NCAM1: variants seen among roughly 807,000 people sequenced by gnomAD.
NCAM1 encodes antigen recognized by monoclonal antibody 5.1H11.
In NCAM1, 14 loss-of-function variants were observed where a neutral mutation model predicts 109.8. The observed-to-expected ratio is 0.13, with a 90% CI of 0.08 to 0.20. The LOEUF (loss-of-function observed/expected upper bound fraction) is 0.20, where lower values mean the gene tolerates loss of function less well. Ranked by LOEUF, NCAM1 falls within the 10% of genes least tolerant of loss-of-function variation. The probability of loss-of-function intolerance (pLI) is 1.00; values close to 1 mark genes in which losing one functional copy is unlikely to be tolerated. For missense variants in NCAM1, 774 were observed against 1,109.9 expected (o/e 0.70, Z 4.30); for synonymous variants, 418 against 442.9 (o/e 0.94, Z 0.70).
chr11:113,255,725 A>G (rs2137579134), intron 15 of NCAM1, 152 bp from the exon 16 acceptor site: 1 of 860,112 alleles, frequency 1.2e-6, no homozygotes, highest in Non-Finnish European at 1.7e-6. Context: ...TCTACCTGGA[A>G]TTCAGTTTTA....
At position 113,200,033 on chromosome 11, in the gene NCAM1, C is replaced by T. The variant is rs562697779; in HGVS notation, c.53-2346C>T. ...TGTGTTCTGTTTGAAAAGAGCTGAACAAATGAAGGCTGTTTTTTCACTTGG... is the reference window on the plus strand; with the variant it reads ...TGTGTTCTGTTTGAAAAGAGCTGAATAAATGAAGGCTGTTTTTTCACTTGG... On this transcript the variant is annotated intron_variant, in intron 1 of 19. Transcript: ENST00000316851. Among the ~76,000 whole-genome samples the T allele has an allele frequency of 5.5e-4, 83 of 152,232 alleles. No homozygotes were observed. The South Asian group carries it at 9.8e-3, about 18-fold the overall frequency.
chr11:113,266,592 T>C (rs1330594801), intron 17 of NCAM1, among the ~76,000 whole-genome samples: 2 of 152,124 alleles, frequency 1.3e-5, no homozygotes, highest in Non-Finnish European at 2.9e-5. Flanking sequence ...CCTGGGCTGC[T>C]TGTTCAACTC....
intron 15 of NCAM1, among the ~76,000 whole-genome samples, chr11:113,255,425 G>A (rs1240092329): frequency 1.3e-5 from 2 of 152,012 alleles, no homozygotes; most frequent in African/African-American, 2.4e-5. Context: ...GATGTGTCCC[G>A]GCAAGAAACT....
At chr11:113,231,361 G>C (rs1555117164) in intron 9 of NCAM1, 1 of 1,437,140 alleles carries the variant, frequency 7.0e-7, no homozygotes. Context: ...CATCTTGGGG[G>C]ACCTAGCCCC....
intron 1 of NCAM1, among the ~76,000 whole-genome samples, chr11:113,198,708 A>T (rs1943934215): frequency 6.6e-6 from 1 of 152,042 alleles, no homozygotes. Flanking sequence ...GTAAATGGTA[A>T]CTAATAGGTT....
intron 1 of NCAM1, among the ~76,000 whole-genome samples, chr11:113,166,171 G>A (rs965336132): frequency 5.9e-5 from 9 of 152,042 alleles, no homozygotes; most frequent in South Asian, 2.1e-4. Flanking sequence ...TATATTTCCC[G>A]CCTTCTCCCT....
At chr11:113,180,604 C>T (rs782734745) in intron 1 of NCAM1, among the ~76,000 whole-genome samples, 18 of 152,216 alleles carry the variant, frequency 1.2e-4, no homozygotes, top group Non-Finnish European at 2.1e-4. Context: ...GGCCGTCTTC[C>T]TGTAGCACTA....
chr11:112,988,010 G>T (rs1951351720), intron 1 of NCAM1, among the ~76,000 whole-genome samples: 1 of 151,854 alleles, frequency 6.6e-6, no homozygotes. Context: ...TTTTCTAGTG[G>T]CATACGTCTT....
chr11:113,239,498 A>ATTTTT (rs1591448960), intron 14 of NCAM1, among the ~76,000 whole-genome samples: 12 of 78,420 alleles, frequency 1.5e-4, no homozygotes, highest in South Asian at 5.3e-4. Context: ...ATGAGTCTCT[A>ATTTTT]CTTTTTTTTT....
chr11:113,155,329 T>G (rs1373794227), intron 1 of NCAM1, among the ~76,000 whole-genome samples: 1 of 151,758 alleles, frequency 6.6e-6, no homozygotes, highest in African/African-American at 2.4e-5. Context: ...ACCAACATAG[T>G]GAAACCCCGT....
intron 1 of NCAM1, among the ~76,000 whole-genome samples, chr11:112,996,795 A>T (rs566084798): frequency 1.3e-5 from 2 of 152,334 alleles, no homozygotes; most frequent in East Asian, 3.9e-4. Context: ...TGATAATTGC[A>T]TGGAAAAAGT....
At chr11:113,123,675 T>C (rs1941061625) in intron 1 of NCAM1, among the ~76,000 whole-genome samples, 1 of 152,178 alleles carries the variant, frequency 6.6e-6, no homozygotes. Flanking sequence ...GAGGTCTCCT[T>C]AGAGCCCCTT....
At chr11:113,054,965 C>T (rs575128262) in intron 1 of NCAM1, among the ~76,000 whole-genome samples, 29 of 152,234 alleles carry the variant, frequency 1.9e-4, no homozygotes, top group African/African-American at 5.3e-4. Flanking sequence ...CATCTTAGGG[C>T]GACCTGGCTG....
chr11:113,029,266 G>T (rs1952646665), intron 1 of NCAM1, among the ~76,000 whole-genome samples: 1 of 152,106 alleles, frequency 6.6e-6, no homozygotes, highest in Non-Finnish European at 1.5e-5. Flanking sequence ...AGGAGGTGAG[G>T]AATTCAGGAA....
chr11:113,123,048 G>T (rs979426862), intron 1 of NCAM1, among the ~76,000 whole-genome samples: 1 of 152,190 alleles, frequency 6.6e-6, no homozygotes, highest in African/African-American at 2.4e-5. Flanking sequence ...GTTACCAGAG[G>T]CAGGGAAGGG....
At chr11:113,201,287 C>T (rs1428498017) in intron 1 of NCAM1, among the ~76,000 whole-genome samples, 1 of 152,164 alleles carries the variant, frequency 6.6e-6, no homozygotes. Flanking sequence ...GAGCCGGTCA[C>T]CATGGCAACG....
Position 113,233,436 on chromosome 11 carries a change from T to C in NCAM1, c.1693+119T>C. ...CAGGAACTGCACCTCCAGAATTAGG[T>C]CAAAGTCATATCTGCCTGTAGAGTT... is the stretch of plus-strand genomic sequence containing the variant. On this transcript the variant is annotated intron_variant, in intron 13 of 19. Coordinates refer to ENST00000316851, the MANE Select transcript of NCAM1 (RefSeq NM_181351.5). The surrounding 1 kb of genome is among the most constrained non-coding windows in gnomAD (Gnocchi z 4.5). The C allele has an allele frequency of 8.9e-7, 1 of 1,117,524 alleles. No homozygotes were observed. Among genetic ancestry groups the C allele is most frequent in the East Asian group, 2.6e-5 (1 of 38,614 alleles). The allele number at this position is 1,117,524 out of a possible 1,614,324, so 69.2% of individuals were successfully genotyped here.
intron 1 of NCAM1, among the ~76,000 whole-genome samples, chr11:113,004,658 G>A (rs1197721658): frequency 6.6e-6 from 1 of 152,058 alleles, no homozygotes; most frequent in Non-Finnish European, 1.5e-5. Context: ...TCCACTCAGG[G>A]TGATATTTCA....
chr11:112,990,606 C>T (rs1279045121), intron 1 of NCAM1, among the ~76,000 whole-genome samples: 1 of 152,110 alleles, frequency 6.6e-6, no homozygotes. Flanking sequence ...GGACTGAAGC[C>T]AAGTCTCTTG....
Sources: allele counts gnomAD v4.1 joint callset (sites outside exome capture counted in the v4.1 genomes callset), GRCh38; gene constraint gnomAD v4.1.1; non-coding constraint Gnocchi (gnomAD v3.1); transcripts MANE v1.5; gene names NCBI Gene and HGNC (gene_info 2026-07-23, HGNC 2026-07-21).